The following MAP3K15 variants were observed in gnomAD, a reference collection of about 807,000 sequenced individuals.
MAP3K15 encodes the protein MAPK/ERK kinase kinase 15.
A neutral mutation model predicts 99.5 loss-of-function variants in MAP3K15; 124 were observed. The observed-to-expected ratio is 1.25, with a 90% CI of 1.08 to 1.45. MAP3K15 has a LOEUF of 1.45. MAP3K15 is among the 40% of genes most tolerant of loss of function. MAP3K15 has a pLI of 0.00. For synonymous variants in MAP3K15, 494 were observed against 439.6 expected, an observed-to-expected ratio of 1.12 and a Z score of -1.55; for missense variants, 1,242 against 1,079.7, an observed-to-expected ratio of 1.15 and a Z score of -2.11.
intron 14 of MAP3K15, 53 bp from the exon 15 acceptor site, chrX:19,398,412 G>A: frequency 8.7e-7 from 1 of 1,145,283 alleles, no homozygotes; most frequent in Non-Finnish European, 1.2e-6. Context: ...TAGCGGAGAA[G>A]CCCTCTAAGG....
intron 6 of MAP3K15, among the ~76,000 whole-genome samples, chrX:19,436,639 G>C (rs781277519): frequency 1.8e-5 from 2 of 111,232 alleles, no homozygotes; most frequent in Non-Finnish European, 3.8e-5. Flanking sequence ...CAACTCATTT[G>C]CATGTTGATA....
chrX:19,429,951 C>T (rs1159187357), intron 7 of MAP3K15, among the ~76,000 whole-genome samples: 1 of 111,302 alleles, frequency 9.0e-6, no homozygotes, highest in Admixed American at 9.6e-5. Flanking sequence ...ACATTTTTGT[C>T]CCCACCACCC....
intron 6 of MAP3K15, among the ~76,000 whole-genome samples, chrX:19,448,930 CT>C (rs1238173716): frequency 9.2e-6 from 1 of 109,136 alleles, no homozygotes. Context: ...CACCATTCTA[CT>C]TTTTTTTCCC....
At chrX:19,494,578 G>A (rs773066632) in intron 1 of MAP3K15, among the ~76,000 whole-genome samples, 96 of 111,320 alleles carry the variant, frequency 8.6e-4, no homozygotes, top group Non-Finnish European at 1.6e-3. Flanking sequence ...ATTTTCTAGT[G>A]TGGTTTAAAA....
rs1172763347 is a variant in MAP3K15, at chrX:19,370,997, C to T, written c.3362G>A (p.Arg1121His). Reference protein sequence around the residue: ...HWMFAMDNIIRRAVQAAVTIL... With the variant: ...HWMFAMDNIIHRAVQAAVTIL... ...GGTGACCGCGGCCTGCACCGCTCGG[C>T]GGATGATGTTGTCCATCGCGAACAT... Residue 1121 changes from arginine to histidine, a missense_variant, in exon 24 of 29, where the codon CGC (arginine) becomes CAC (histidine). Arg to His is a conservative substitution (Grantham distance 29, BLOSUM62 0). Transcript: ENST00000338883. 6.8e-6 allele frequency: 8 copies of T among 1,169,203 alleles called. No homozygotes were observed. Among genetic ancestry groups the T allele is most frequent in the East Asian group, 3.1e-5 (1 of 31,969 alleles).
chrX:19,477,133 G>C (rs1346754948), intron 3 of MAP3K15, among the ~76,000 whole-genome samples: 1 of 111,946 alleles, frequency 8.9e-6, no homozygotes, highest in Non-Finnish European at 1.9e-5. Flanking sequence ...AAATAGATGG[G>C]TGCCATGGAT....
At chrX:19,394,481 C>T (rs948474636) in intron 16 of MAP3K15, among the ~76,000 whole-genome samples, 1 of 111,951 alleles carries the variant, frequency 8.9e-6, no homozygotes, top group Non-Finnish European at 1.9e-5. Context: ...ATCCCAGGAA[C>T]TCCCCTCCTG....
At chrX:19,423,813 G>A (rs770769805) in intron 9 of MAP3K15, among the ~76,000 whole-genome samples, 1 of 111,609 alleles carries the variant, frequency 9.0e-6, no homozygotes, top group East Asian at 2.8e-4. Context: ...TTCATCTTCG[G>A]GGCCCTGGGC....
chrX:19,456,648 C>T (rs1162881837), intron 6 of MAP3K15, among the ~76,000 whole-genome samples: 3 of 112,112 alleles, frequency 2.7e-5, no homozygotes, highest in African/African-American at 6.5e-5. Context: ...GATGTGACCT[C>T]GTATGTGTTA....
At chrX:19,418,483 G>C (rs2063755574) in intron 9 of MAP3K15, among the ~76,000 whole-genome samples, 1 of 111,183 alleles carries the variant, frequency 9.0e-6, no homozygotes, top group Non-Finnish European at 1.9e-5. Context: ...GAGAAGTTTA[G>C]AGAAAAAAAG....
At position 19,360,691 on chromosome X, in the gene MAP3K15, A is replaced by G; in HGVS notation, c.*58T>C. 2.2e-6 allele frequency: 2 copies of G among 918,120 alleles called. No homozygotes were observed. The highest frequency in any genetic ancestry group is 4.1e-5 in the South Asian group (2 of 48,949). The allele number at this position is 918,120 out of a possible 1,213,427, so 75.7% of individuals were successfully genotyped here. A position where few individuals can be genotyped will look rare whatever the true frequency, so the allele number is the denominator to read the frequency against. On this transcript the variant is annotated 3_prime_UTR_variant, in exon 29 of 29. Transcript: ENST00000338883. Reference sequence around the variant, plus strand: ...CGGAATTCGTGTATACACTAACAGAAGCTTTAACAAAACATGTAGCGTGGT... The same window carrying G: ...CGGAATTCGTGTATACACTAACAGAGGCTTTAACAAAACATGTAGCGTGGT...
intron 6 of MAP3K15, among the ~76,000 whole-genome samples, chrX:19,437,479 C>T (rs1339012191): frequency 9.0e-6 from 1 of 111,679 alleles, no homozygotes; most frequent in African/African-American, 3.3e-5. Flanking sequence ...TGCTGTTCCA[C>T]ATGCTGATCC....
intron 9 of MAP3K15, among the ~76,000 whole-genome samples, chrX:19,418,231 A>C (rs149073953): frequency 0.019 from 2,126 of 111,677 alleles, 49 homozygotes; most frequent in African/African-American, 0.066. Context: ...ACTTCAGACA[A>C]TCAAACTACT....
intron 7 of MAP3K15, among the ~76,000 whole-genome samples, chrX:19,427,794 G>C (rs1298558397): frequency 9.0e-6 from 1 of 110,983 alleles, no homozygotes; most frequent in Non-Finnish European, 1.9e-5. Context: ...ATTAATTCTT[G>C]AAAGGAGAAG....
Position 19,379,795 on chromosome X carries a change from A to G in MAP3K15, c.2589+325T>C, listed in dbSNP as rs193122473. On this transcript the variant is annotated intron_variant, in intron 19 of 28. Transcript: ENST00000338883. ...GTGAACACCAATGGTCCCCCCAATCACCAGGTGAATCTAAGATGAGCTCCT... is the reference window on the plus strand; with the variant it reads ...GTGAACACCAATGGTCCCCCCAATCGCCAGGTGAATCTAAGATGAGCTCCT... 4.5e-5 allele frequency among the ~76,000 whole-genome samples: 5 copies of G among 111,432 alleles called. No individual in the cohort carries two copies. The Admixed American group carries it at 4.8e-4, about 11-fold the overall frequency.
intron 25 of MAP3K15, among the ~76,000 whole-genome samples, chrX:19,368,236 G>A (rs959133355): frequency 4.5e-5 from 5 of 111,436 alleles, no homozygotes; most frequent in Non-Finnish European, 9.4e-5. Flanking sequence ...CCCACCTCCC[G>A]GATTCAATCG....
rs146103422 is a variant in MAP3K15, at chrX:19,416,748, T to C, written c.1440-1491A>G. On this transcript the variant is annotated intron_variant, in intron 9 of 28. Transcript: ENST00000338883. Reference sequence around the variant, plus strand: ...CGAAAATCCTGCACTTTTTGCAAAATATAAAATACAAAATATTGTTTATGT... The same window carrying C: ...CGAAAATCCTGCACTTTTTGCAAAACATAAAATACAAAATATTGTTTATGT... 6.5e-3 allele frequency among the ~76,000 whole-genome samples: 723 copies of C among 111,873 alleles called. 7 individuals carry two copies. Among genetic ancestry groups the C allele is most frequent in the African/African-American group, 0.021 (654 of 30,796 alleles).
chrX:19,368,936 T>C (rs912028181), intron 25 of MAP3K15, 118 bp downstream of exon 25: 10 of 791,539 alleles, frequency 1.3e-5, no homozygotes, highest in Non-Finnish European at 1.5e-5. Flanking sequence ...ATGATGAAGC[T>C]GCTTTTTCCT....
rs1555960646 is a variant in MAP3K15, at chrX:19,462,026, C to CAT, written c.720-1874_720-1873insAT. The stretch of plus-strand genomic sequence containing the variant: ...ACACACACACACACACACACACACA[C>CAT]ACACACACACACAAAACAAAGCTGA... On this transcript the variant is annotated intron_variant, in intron 4 of 28. Transcript: ENST00000338883. Among the ~76,000 whole-genome samples the CAT allele has an allele frequency of 4.9e-3, 475 of 97,698 alleles. 4 individuals carry two copies. The highest frequency in any genetic ancestry group is 0.019 in the African/African-American group (439 of 22,670). 84.8% of individuals were successfully genotyped at this position (97,698 alleles called of 115,157 possible).
Sources: allele counts gnomAD v4.1 joint callset (sites outside exome capture counted in the v4.1 genomes callset), GRCh38; gene constraint gnomAD v4.1.1; transcripts MANE v1.5; gene names NCBI Gene and HGNC (gene_info 2026-07-23, HGNC 2026-07-21).